ARIH2: variants seen among roughly 807,000 people sequenced by gnomAD.
The protein encoded by ARIH2 is E3 ubiquitin-protein ligase ARIH2.
In ARIH2, 12 loss-of-function variants were observed where a neutral mutation model predicts 79.8. That is an observed-to-expected ratio of 0.15 (90% CI 0.10 to 0.24). The LOEUF is 0.24. Among genes scored for constraint, ARIH2 ranks in the 10% least tolerant of loss-of-function variants. ARIH2 has a pLI of 1.00. For synonymous variants in ARIH2, 224 were observed against 213.9 expected (o/e 1.05, Z -0.41); for missense variants, 301 against 618.3 (o/e 0.49, Z 5.44).
intron 3 of ARIH2, among the ~76,000 whole-genome samples, chr3:48,932,966 A>G (rs2086572753): frequency 6.6e-6 from 1 of 152,108 alleles, no homozygotes; most frequent in Non-Finnish European, 1.5e-5. Context: ...TCTGGGCTGG[A>G]ATGAGGGTCA....
At chr3:48,961,275 T>A (rs1001850033) in intron 3 of ARIH2, among the ~76,000 whole-genome samples, 3 of 152,172 alleles carry the variant, frequency 2.0e-5, no homozygotes, top group Admixed American at 6.6e-5. Flanking sequence ...TGAGGGAACA[T>A]ATATGACATG....
rs1158929356 is a variant in ARIH2 at position 48,938,913 on chromosome 3, CAAAAAAAA to C, written c.255+11119_255+11126del. Among the ~76,000 whole-genome samples the C allele has an allele frequency of 4.2e-3, 230 of 54,426 alleles. 1 individual carries two copies. Among genetic ancestry groups the C allele is most frequent in the East Asian group, 9.8e-3 (15 of 1,536 alleles). The allele number at this position is 54,426 out of a possible 152,430, so 35.7% of individuals were successfully genotyped here. A position where few individuals can be genotyped will look rare whatever the true frequency, so the allele number is the denominator to read the frequency against. On this transcript the variant is annotated intron_variant, in intron 3 of 15. Transcript: ENST00000356401. ...CCCTGTCCCCACTGGGTCTTTAGAC[CAAAAAAAA>C]AAAAAAAAAAAAAAAAAACCAACTA...
chr3:48,933,141 A>G (rs900857096), intron 3 of ARIH2, among the ~76,000 whole-genome samples: 2 of 152,164 alleles, frequency 1.3e-5, no homozygotes, highest in Non-Finnish European at 2.9e-5. Context: ...CAGTGGCACG[A>G]TGTTGGCTAA....
chr3:48,949,113 CATTTATTT>C (rs74320931), intron 3 of ARIH2: 319,156 of 455,164 alleles, frequency 0.7, 114,777 homozygotes, highest in East Asian at 0.96. Context: ...GTATGTTTAA[CATTTATTT>C]ATTTATTTAT....
At chr3:48,956,302 C>A (rs140321723) in intron 3 of ARIH2, among the ~76,000 whole-genome samples, 4 of 151,896 alleles carry the variant, frequency 2.6e-5, no homozygotes, top group Admixed American at 2.6e-4. Flanking sequence ...CAACACCCAG[C>A]TAATTTTTAT....
chr3:48,966,158 T>C (rs896237026), intron 5 of ARIH2, among the ~76,000 whole-genome samples: 11 of 152,100 alleles, frequency 7.2e-5, no homozygotes, highest in Non-Finnish European at 1.3e-4. Flanking sequence ...TAAACGAACA[T>C]ATGTCGAATA....
At chr3:48,964,334 G>A (rs1446629681) in intron 4 of ARIH2, among the ~76,000 whole-genome samples, 42 of 125,552 alleles carry the variant, frequency 3.3e-4, no homozygotes, top group Non-Finnish European at 5.2e-4. Flanking sequence ...TTTTTTTTTT[G>A]AGACAGAATC....
chr3:48,932,201 T>TA (rs891502000), intron 3 of ARIH2, among the ~76,000 whole-genome samples: 1 of 152,060 alleles, frequency 6.6e-6, no homozygotes, highest in African/African-American at 2.4e-5. Context: ...GCTTATCTGT[T>TA]AGTGTGGTGG....
chr3:48,982,822 G>T, intron 14 of ARIH2, 74 bp from the exon 15 acceptor site: 1 of 1,073,722 alleles, frequency 9.3e-7, no homozygotes, highest in Non-Finnish European at 1.4e-6. Context: ...TGCTGCATGT[G>T]CCCACCCCCG....
chr3:48,949,657 A>G (rs767213166), intron 3 of ARIH2, among the ~76,000 whole-genome samples: 14 of 152,098 alleles, frequency 9.2e-5, no homozygotes, highest in Admixed American at 5.2e-4. Context: ...CTATTCATAC[A>G]TTTATTTTTT....
chr3:48,933,243 TG>T (rs1440998044), intron 3 of ARIH2, among the ~76,000 whole-genome samples: 1 of 6,284 alleles, frequency 1.6e-4, no homozygotes, highest in East Asian at 8.3e-3. Context: ...CGGGTGTGTG[TG>T]TGTGTGTGTG....
intron 4 of ARIH2, 80 bp from the exon 5 acceptor site, chr3:48,964,839 C>G: frequency 9.0e-7 from 1 of 1,113,510 alleles, no homozygotes; most frequent in Non-Finnish European, 1.4e-6. Context: ...CTCTAAACAT[C>G]TTTCTCTGTC....
intron 3 of ARIH2, among the ~76,000 whole-genome samples, chr3:48,950,342 C>T (rs2089789323): frequency 6.6e-6 from 1 of 152,080 alleles, no homozygotes; most frequent in South Asian, 2.1e-4. Context: ...AGTTCTGCTT[C>T]CTACTTTTCC....
rs1298999340 is a variant in ARIH2, at chr3:48,968,530, A to G, written c.539-4A>G. ...GGCCCCATCAGGTTGTTTTTGTTCA[A>G]CAGGAGTCTCTTGCATGGCTCAGGA... On this transcript the variant is annotated splice_region_variant and splice_polypyrimidine_tract_variant and intron_variant, in intron 6 of 15. Coordinates refer to ENST00000356401, the MANE Select transcript of ARIH2 (RefSeq NM_006321.4). 3 of 1,606,988 alleles carry G rather than the reference A, an allele frequency of 1.9e-6. No individual in the cohort carries two copies. Among genetic ancestry groups the G allele is most frequent in the South Asian group, 1.1e-5 (1 of 90,986 alleles).
intron 3 of ARIH2, among the ~76,000 whole-genome samples, chr3:48,939,325 C>A (rs894934046): frequency 1.4e-4 from 21 of 151,906 alleles, no homozygotes; most frequent in Non-Finnish European, 2.6e-4. Context: ...TGAGATTTGG[C>A]TGATCTCATT....
Position 48,918,889 on chromosome 3 carries a change from G to C in ARIH2, c.-271G>C, listed in dbSNP as rs764048126. On this transcript the variant is annotated 5_prime_UTR_variant, in exon 1 of 16. Transcript: ENST00000356401. ...TGGAGGAAGCAGCGCGGGCTTGACC[G>C]GCGTCGGCCCGCCGCCTCCGCTGCC... The C allele has an allele frequency of 6.2e-7, 1 of 1,605,088 alleles. No homozygotes were observed. Among genetic ancestry groups the C allele is most frequent in the East Asian group, 2.2e-5 (1 of 44,686 alleles).
intron 6 of ARIH2, among the ~76,000 whole-genome samples, chr3:48,967,715 C>T (rs1186353072): frequency 6.6e-6 from 1 of 152,194 alleles, no homozygotes; most frequent in Non-Finnish European, 1.5e-5. Flanking sequence ...TAATTGATAT[C>T]TGCAAAGTCC....
intron 3 of ARIH2, among the ~76,000 whole-genome samples, chr3:48,931,959 A>G (rs985368937): frequency 6.6e-6 from 1 of 152,218 alleles, no homozygotes; most frequent in Admixed American, 6.5e-5. Context: ...CAGTGAGCTG[A>G]GATCGTGTCA....
chr3:48,933,310 C>T (rs1001600121), intron 3 of ARIH2, among the ~76,000 whole-genome samples: 2 of 144,704 alleles, frequency 1.4e-5, no homozygotes, highest in African/African-American at 5.2e-5. Context: ...GCACCACATG[C>T]CCGGGGGTGT....
Sources: gnomAD v4.1 joint callset for allele counts (sites outside exome capture counted in the v4.1 genomes callset) on GRCh38, gnomAD v4.1.1 for gene constraint, MANE v1.5 for transcripts, NCBI Gene and HGNC (gene_info 2026-07-23, HGNC 2026-07-21) for gene names.